Variants in SNUPN observed in about 807,000 individuals in gnomAD.
SNUPN encodes snurportin-1.
A neutral mutation model predicts 39.2 loss-of-function variants in SNUPN; 31 were observed. The ratio of observed to expected loss-of-function variants is 0.79; its 90% CI spans 0.59 to 1.07. The LOEUF is 1.07. SNUPN is among the 50% of genes least tolerant of loss of function. The probability of loss-of-function intolerance (pLI) is 0.00; values close to 1 mark genes in which losing one functional copy is unlikely to be tolerated. For synonymous variants in SNUPN, 132 were observed against 159.0 expected (o/e 0.83, Z 1.28); for missense variants, 382 against 434.2 (o/e 0.88, Z 1.07).
intron 5 of SNUPN, among the ~76,000 whole-genome samples, chr15:75,609,295 T>C (rs1253557155): frequency 6.9e-6 from 1 of 144,910 alleles, no homozygotes; most frequent in African/African-American, 2.5e-5. Context: ...GTTCACGCCA[T>C]TCTCCTGCCT....
chr15:75,609,148 A>AC (rs1269059177), intron 5 of SNUPN, among the ~76,000 whole-genome samples: 2 of 151,104 alleles, frequency 1.3e-5, no homozygotes, highest in Non-Finnish European at 3.0e-5. Flanking sequence ...AAAAAAAAAA[A>AC]ACAAAGATAA....
intron 6 of SNUPN, among the ~76,000 whole-genome samples, chr15:75,606,492 G>T (rs1488915673): frequency 6.6e-6 from 1 of 151,930 alleles, no homozygotes; most frequent in African/African-American, 2.4e-5. Flanking sequence ...GCAAAAGGAA[G>T]TACCAAAACC....
intron 6 of SNUPN, among the ~76,000 whole-genome samples, chr15:75,606,525 T>C (rs1221029528): frequency 6.6e-6 from 1 of 151,844 alleles, no homozygotes; most frequent in Admixed American, 6.6e-5. Flanking sequence ...ATTATACAAC[T>C]GGGACAATGA....
At chr15:75,626,128 C>T (rs1320587445), upstream of SNUPN, 1 of 152,326 alleles carries the variant, frequency 6.6e-6, no homozygotes, top group Non-Finnish European at 1.5e-5. Flanking sequence ...GGCCCGTGCT[C>T]TTAAACGGGC....
intron 7 of SNUPN, among the ~76,000 whole-genome samples, chr15:75,601,647 C>T (rs1267190001): frequency 6.6e-6 from 1 of 152,008 alleles, no homozygotes; most frequent in Non-Finnish European, 1.5e-5. Flanking sequence ...TGGGAGGCTG[C>T]TGAGGTAGAA....
chr15:75,617,605 T>TA, intron 2 of SNUPN, 53 bp from the exon 3 acceptor site: 1 of 1,493,460 alleles, frequency 6.7e-7, no homozygotes, highest in Non-Finnish European at 9.1e-7. Context: ...TTTTTTTTTT[T>TA]AGACAGGGTC....
intron 3 of SNUPN, among the ~76,000 whole-genome samples, chr15:75,613,402 T>C (rs1892846316): frequency 6.6e-6 from 1 of 151,892 alleles, no homozygotes; most frequent in African/African-American, 2.4e-5. Context: ...CCCAGCACTT[T>C]GGGAGGCCGA....
At chr15:75,623,149 C>CTT (rs11440076) in intron 1 of SNUPN, among the ~76,000 whole-genome samples, 71 of 148,876 alleles carry the variant, frequency 4.8e-4, no homozygotes, top group Middle Eastern at 3.4e-3. Context: ...ATAAAAGAAA[C>CTT]TTTTTTTTTT....
chr15:75,602,325 A>C (rs1399078123), intron 7 of SNUPN, among the ~76,000 whole-genome samples: 1 of 152,126 alleles, frequency 6.6e-6, no homozygotes, highest in Non-Finnish European at 1.5e-5. Flanking sequence ...CAGGAGTTCG[A>C]GACCAGTCTG....
At chr15:75,609,397 G>A (rs1004521745) in intron 5 of SNUPN, among the ~76,000 whole-genome samples, 161 bp downstream of exon 5, 2 of 151,872 alleles carry the variant, frequency 1.3e-5, no homozygotes, top group African/African-American at 4.8e-5. Flanking sequence ...CACCTTGTTA[G>A]CCAGGATGGT....
intron 3 of SNUPN, among the ~76,000 whole-genome samples, chr15:75,610,244 T>TA (rs1892744367): frequency 6.6e-6 from 1 of 151,280 alleles, no homozygotes; most frequent in African/African-American, 2.4e-5. Context: ...CTAAAAAATA[T>TA]AAAAAATTAG....
intron 1 of SNUPN, among the ~76,000 whole-genome samples, chr15:75,623,726 T>G (rs1413865204): frequency 1.3e-5 from 2 of 152,054 alleles, no homozygotes; most frequent in African/African-American, 4.8e-5. Flanking sequence ...ATTACAAGCA[T>G]GAGCCACTGC....
intron 7 of SNUPN, among the ~76,000 whole-genome samples, chr15:75,603,030 T>C (rs2075301486): frequency 6.6e-6 from 1 of 151,384 alleles, no homozygotes. Context: ...ATTACAGATG[T>C]GAGTCACTGT....
intron 1 of SNUPN, chr15:75,622,383 C>T (rs1173940810): frequency 3.0e-6 from 3 of 985,136 alleles, no homozygotes; most frequent in African/African-American, 3.5e-5. Context: ...TAACAAGTAA[C>T]GTCAATGCTC....
chr15:75,616,371 C>T (rs921639430), intron 3 of SNUPN, among the ~76,000 whole-genome samples: 6 of 151,870 alleles, frequency 4.0e-5, no homozygotes, highest in Non-Finnish European at 7.4e-5. Context: ...AACAGGAGAA[C>T]TGCTTGAACC....
At chr15:75,623,760 T>C (rs1178389420) in intron 1 of SNUPN, among the ~76,000 whole-genome samples, 1 of 151,672 alleles carries the variant, frequency 6.6e-6, no homozygotes, top group African/African-American at 2.4e-5. Flanking sequence ...TGTGCCTTAA[T>C]ATCTTTGCAA....
In SNUPN at chr15:75,598,326, C is replaced by A; in HGVS notation, c.*32G>T. On this transcript the variant is annotated 3_prime_UTR_variant, in exon 9 of 9. Coordinates refer to ENST00000308588, the MANE Select transcript of SNUPN (RefSeq NM_005701.4). ...CAGGATTCCTTTTGGGGCCAGGTAC[C>A]ATCCTGTGGCTCCTTAAGGAGGCTT... is the stretch of plus-strand genomic sequence containing the variant. 6.4e-7 allele frequency: 1 copy of A among 1,565,362 alleles called. No individual in the cohort carries two copies. Among genetic ancestry groups the A allele is most frequent in the East Asian group, 2.2e-5 (1 of 44,506 alleles).
At chr15:75,609,000 T>G in intron 5 of SNUPN, among the ~76,000 whole-genome samples, 1 of 151,844 alleles carries the variant, frequency 6.6e-6, no homozygotes, top group Non-Finnish European at 1.5e-5. Context: ...ATTAGCCGGG[T>G]GCAGCCTATA....
intron 5 of SNUPN, among the ~76,000 whole-genome samples, chr15:75,608,130 C>A (rs1022020651): frequency 6.6e-6 from 1 of 152,126 alleles, no homozygotes; most frequent in African/African-American, 2.4e-5. Flanking sequence ...CCTATACTCC[C>A]AGCACTTTGG....
Sources: allele counts gnomAD v4.1 joint callset (sites outside exome capture counted in the v4.1 genomes callset), GRCh38; gene constraint gnomAD v4.1.1; transcripts MANE v1.5; gene names NCBI Gene and HGNC (gene_info 2026-07-23, HGNC 2026-07-21).